USP12: variants seen among roughly 807,000 people sequenced by gnomAD.
The protein encoded by USP12 is ubiquitin specific peptidase 12, also known as ubiquitin carboxyl-terminal hydrolase 12.
In USP12, 19 loss-of-function variants were observed where a neutral mutation model predicts 45.5. The ratio of observed to expected loss-of-function variants is 0.42; its 90% CI spans 0.29 to 0.61. The LOEUF is 0.61. USP12 is among the 20% of genes least tolerant of loss of function. The probability of loss-of-function intolerance (pLI) is 0.22; values close to 1 mark genes in which losing one functional copy is unlikely to be tolerated. For missense variants in USP12, 242 were observed against 447.7 expected (o/e 0.54, Z 4.15); for synonymous variants, 149 against 148.8 (o/e 1.00, Z -0.01).
At chr13:27,108,957 T>C (rs1025628890) in intron 2 of USP12, among the ~76,000 whole-genome samples, 3 of 150,940 alleles carry the variant, frequency 2.0e-5, no homozygotes, top group Admixed American at 6.6e-5. Context: ...AAGATACATA[T>C]GTGTGTGTGT....
chr13:27,081,268 G>A (rs1873746007), intron 6 of USP12, among the ~76,000 whole-genome samples: 2 of 152,170 alleles, frequency 1.3e-5, no homozygotes, highest in South Asian at 4.1e-4. Flanking sequence ...TATCAACTAA[G>A]GTTATGTAAT....
chr13:27,077,147 G>A (rs1873526086), intron 6 of USP12: 1 of 152,050 alleles, frequency 6.6e-6, no homozygotes, highest in African/African-American at 2.4e-5. Flanking sequence ...AAAGTTTCTA[G>A]GTGACATAAG....
chr13:27,073,059 T>C (rs1873317407), intron 7 of USP12, among the ~76,000 whole-genome samples: 1 of 152,198 alleles, frequency 6.6e-6, no homozygotes, highest in Non-Finnish European at 1.5e-5. Flanking sequence ...AAGACAGGGC[T>C]AGCAATGCAC....
At chr13:27,084,000 G>A (rs1486118591) in intron 6 of USP12, among the ~76,000 whole-genome samples, 1 of 151,760 alleles carries the variant, frequency 6.6e-6, no homozygotes, top group African/African-American at 2.4e-5. Flanking sequence ...AAGTAGCTGA[G>A]ATTACAGGCG....
At position 27,075,269 on chromosome 13, in the gene USP12, C is replaced by G. The variant is rs776417947; in HGVS notation, c.854G>C (p.Arg285Pro). 6.2e-7 allele frequency: 1 copy of G among 1,613,798 alleles called. No individual in the cohort carries two copies. Residue 285 changes from arginine (R) to proline (P), a missense_variant, in exon 7 of 9, where the codon CGT becomes CCT. Physicochemically the swap from Arg to Pro is moderately radical, Grantham distance 103 (BLOSUM62 -2). Around this residue, in one of 5 missense-constraint regions of USP12, gnomAD observed 94 missense variants for 168.3 expected, o/e 0.56. Transcript: ENST00000282344. The part of the protein sequence containing the change: ...SYRVVFPLEL[R>P]LFNTSGDATN... ...GGCATCACCTGAAGTGTTAAACAGACGAAGTTCTAAAGGAAAAACTACCCG... is the reference window on the plus strand; with the variant it reads ...GGCATCACCTGAAGTGTTAAACAGAGGAAGTTCTAAAGGAAAAACTACCCG...
chr13:27,115,517 T>C (rs578164558), intron 2 of USP12, among the ~76,000 whole-genome samples: 2 of 152,306 alleles, frequency 1.3e-5, no homozygotes, highest in East Asian at 3.9e-4. Flanking sequence ...TAACTTACTG[T>C]GTTACCTATT....
chr13:27,072,716 A>G (rs1309197910), intron 7 of USP12, among the ~76,000 whole-genome samples: 1 of 152,244 alleles, frequency 6.6e-6, no homozygotes, highest in East Asian at 1.9e-4. Flanking sequence ...AGGGATGGGA[A>G]ATCACGAAAT....
At position 27,170,150 on chromosome 13, in the gene USP12, T is replaced by C. The variant is rs186259574; in HGVS notation, c.48+1442A>G. On this transcript the variant is annotated intron_variant, in intron 1 of 8. Transcript: ENST00000282344. ...ACAAATGCTTTCCTAAAATGTAAAC[T>C]GTGAGAAAGAACAATCATCCAGTTG... 7.6e-6 allele frequency: 3 copies of C among 395,954 alleles called. No homozygotes were observed. In the East Asian group the frequency reaches 1.1e-4, roughly 14 times the overall value. The allele number at this position is 395,954 out of a possible 1,614,324, so 24.5% of individuals were successfully genotyped here. A position where few individuals can be genotyped will look rare whatever the true frequency, so the allele number is the denominator to read the frequency against.
intron 2 of USP12, among the ~76,000 whole-genome samples, chr13:27,111,068 C>T (rs17085202): frequency 0.042 from 6,343 of 152,266 alleles, 165 homozygotes; most frequent in Admixed American, 0.075. Flanking sequence ...TCCAACATGA[C>T]TTGCTCATCT....
intron 3 of USP12, among the ~76,000 whole-genome samples, chr13:27,105,190 T>C (rs1875070081): frequency 6.6e-6 from 1 of 152,188 alleles, no homozygotes; most frequent in African/African-American, 2.4e-5. Flanking sequence ...TCAGTAACTA[T>C]TTTAAAAAGG....
chr13:27,101,669 AAC>A (rs1874866825), intron 3 of USP12, among the ~76,000 whole-genome samples: 1 of 152,230 alleles, frequency 6.6e-6, no homozygotes, highest in South Asian at 2.1e-4. Flanking sequence ...AAAAATGAAA[AAC>A]ACTGCTTAAA....
intron 1 of USP12, among the ~76,000 whole-genome samples, chr13:27,164,426 A>C (rs1878257746): frequency 6.6e-6 from 1 of 152,250 alleles, no homozygotes; most frequent in Admixed American, 6.5e-5. Context: ...TGTTTAGAAG[A>C]AGCTAATGGT....
At chr13:27,082,871 T>G (rs1350969384) in intron 6 of USP12, among the ~76,000 whole-genome samples, 1 of 152,238 alleles carries the variant, frequency 6.6e-6, no homozygotes, top group Non-Finnish European at 1.5e-5. Flanking sequence ...GTTTCACTCT[T>G]GTTGCCCAGG....
intron 2 of USP12, among the ~76,000 whole-genome samples, chr13:27,116,177 T>G (rs1018500977): frequency 1.3e-5 from 2 of 151,930 alleles, no homozygotes; most frequent in African/African-American, 4.8e-5. Context: ...TCAGGCATGG[T>G]GGCAGGCGCC....
chr13:27,105,956 A>G lies in USP12; in HGVS notation c.130-12T>C. ...CAGGTATTCCCAAACTGCAACAGAA[A>G]AAAAAAAGTTTTGTTAAATTTAGGG... On this transcript the variant is annotated splice_polypyrimidine_tract_variant and intron_variant, in intron 2 of 8. Transcript: ENST00000282344. 1 of 1,592,624 alleles carries G rather than the reference A, an allele frequency of 6.3e-7. No individual in the cohort carries two copies. The highest frequency in any genetic ancestry group is 8.5e-7 in the Non-Finnish European group (1 of 1,172,866).
chr13:27,111,461 AG>A (rs1362933787), intron 2 of USP12, among the ~76,000 whole-genome samples: 1 of 152,184 alleles, frequency 6.6e-6, no homozygotes, highest in Non-Finnish European at 1.5e-5. Flanking sequence ...TGAAAATCAA[AG>A]GTAGGTTTAA....
intron 1 of USP12, among the ~76,000 whole-genome samples, chr13:27,130,380 CACA>C (rs1338419418): frequency 2.0e-5 from 3 of 152,006 alleles, no homozygotes; most frequent in Non-Finnish European, 2.9e-5. Context: ...AGTGACCACA[CACA>C]ACAAGGAATA....
rs111652465 is a variant in USP12 at position 27,142,149 on chromosome 13, C to A, written c.49-25553G>T. On this transcript the variant is annotated intron_variant, in intron 1 of 8. Transcript: ENST00000282344. ...AAACACACACACAGACACACACACACGCAATGACAGTGAAGACAGTGAAAA... is the reference window on the plus strand; with the variant it reads ...AAACACACACACAGACACACACACAAGCAATGACAGTGAAGACAGTGAAAA... Among the ~76,000 whole-genome samples, 8 of 152,096 alleles carry A rather than the reference C, an allele frequency of 5.3e-5. No individual in the cohort carries two copies. In the South Asian group the frequency reaches 1.0e-3, roughly 20 times the overall value.
chr13:27,155,247 A>G (rs1877776406), intron 1 of USP12, among the ~76,000 whole-genome samples: 2 of 151,630 alleles, frequency 1.3e-5, no homozygotes, highest in African/African-American at 2.4e-5. Flanking sequence ...ATGCCCGGCT[A>G]ATTTTTTGTA....
Sources: allele counts gnomAD v4.1 joint callset (sites outside exome capture counted in the v4.1 genomes callset), GRCh38; gene constraint gnomAD v4.1.1; regional missense constraint gnomAD v4.1.1; transcripts MANE v1.5; gene names NCBI Gene and HGNC (gene_info 2026-07-23, HGNC 2026-07-21).